GALNT17: variants seen among roughly 807,000 people sequenced by gnomAD.
The protein encoded by GALNT17 is polypeptide N-acetylgalactosaminyltransferase 17.
GALNT17 carries 29 observed loss-of-function variants against 63.7 expected under a neutral mutation model. The observed-to-expected ratio is 0.46, with a 90% CI of 0.34 to 0.62. The LOEUF is 0.62. GALNT17 is among the 20% of genes least tolerant of loss of function. GALNT17 has a pLI of 0.01. For synonymous variants in GALNT17, 305 were observed against 318.3 expected, an observed-to-expected ratio of 0.96 and a Z score of 0.45; for missense variants, 603 against 799.6, an observed-to-expected ratio of 0.75 and a Z score of 2.97.
rs567790932 is a variant in GALNT17, at chr7:71,196,714, A to G, written c.238+63674A>G. 1.7e-3 allele frequency among the ~76,000 whole-genome samples: 259 copies of G among 151,906 alleles called. 3 individuals are homozygous for G. Among genetic ancestry groups the G allele is most frequent in the African/African-American group, 5.9e-3 (243 of 41,436 alleles). On this transcript the variant is annotated intron_variant, in intron 1 of 10. Coordinates refer to ENST00000333538, the MANE Select transcript of GALNT17 (RefSeq NM_022479.3). ...AGTGCAGTGGCGTGATCTTGGTTCA[A>G]GTGATCTTGGTTCACTGCAACCTCT...
chr7:71,401,755 C>G (rs545006579), intron 3 of GALNT17, among the ~76,000 whole-genome samples: 1 of 152,276 alleles, frequency 6.6e-6, no homozygotes, highest in African/African-American at 2.4e-5. Flanking sequence ...GTCCCAGCAC[C>G]CCCAGATGGG....
intron 6 of GALNT17, among the ~76,000 whole-genome samples, chr7:71,578,212 G>C (rs923691635): frequency 6.6e-6 from 1 of 151,584 alleles, no homozygotes. Context: ...AATTTTTTGC[G>C]TTTAATAGAG....
At chr7:71,197,124 A>G (rs1382762396) in intron 1 of GALNT17, among the ~76,000 whole-genome samples, 2 of 151,090 alleles carry the variant, frequency 1.3e-5, no homozygotes, top group African/African-American at 2.4e-5. Flanking sequence ...CAAATAATCC[A>G]GTCATACTCT....
chr7:71,609,561 A>G (rs916719253), intron 6 of GALNT17, among the ~76,000 whole-genome samples: 4 of 152,178 alleles, frequency 2.6e-5, no homozygotes, highest in South Asian at 4.2e-4. Flanking sequence ...TTATGGGTAC[A>G]TAGTAGGTGT....
At chr7:71,706,012 T>C (rs549018941) in intron 9 of GALNT17, among the ~76,000 whole-genome samples, 3 of 152,152 alleles carry the variant, frequency 2.0e-5, no homozygotes, top group Non-Finnish European at 4.4e-5. Context: ...GGACATTTGG[T>C]TGACAGCAGA....
intron 5 of GALNT17, among the ~76,000 whole-genome samples, chr7:71,454,956 C>T (rs1331700438): frequency 2.0e-5 from 3 of 151,934 alleles, no homozygotes; most frequent in African/African-American, 4.8e-5. Context: ...GGCTTGAGCT[C>T]GGGAGTTTGA....
chr7:71,582,367 G>T (rs1282638200), intron 6 of GALNT17, among the ~76,000 whole-genome samples: 1 of 150,306 alleles, frequency 6.7e-6, no homozygotes, highest in Non-Finnish European at 1.5e-5. Context: ...GAGATCAGGA[G>T]ATGGAGATCA....
At chr7:71,583,914 G>C (rs1789676403) in intron 6 of GALNT17, among the ~76,000 whole-genome samples, 1 of 151,864 alleles carries the variant, frequency 6.6e-6, no homozygotes, top group African/African-American at 2.4e-5. Flanking sequence ...CACGAGGTCA[G>C]GAGATGGAGA....
chr7:71,261,686 G>A (rs968557887), intron 1 of GALNT17, among the ~76,000 whole-genome samples: 1 of 152,214 alleles, frequency 6.6e-6, no homozygotes, highest in Admixed American at 6.5e-5. Flanking sequence ...GCTTGCCCTG[G>A]TGCCCTTGGC....
chr7:71,137,292 A>G (rs1787803586), intron 1 of GALNT17, among the ~76,000 whole-genome samples: 1 of 151,734 alleles, frequency 6.6e-6, no homozygotes, highest in Non-Finnish European at 1.5e-5. Flanking sequence ...GGCGTCCGCC[A>G]CCACGCCCGG....
intron 9 of GALNT17, among the ~76,000 whole-genome samples, chr7:71,682,802 A>G (rs558863164): frequency 6.6e-6 from 1 of 152,166 alleles, no homozygotes; most frequent in East Asian, 1.9e-4. Context: ...TCCTGATCTC[A>G]GGCAATTTTC....
At chr7:71,595,839 G>A (rs184892702) in intron 6 of GALNT17, among the ~76,000 whole-genome samples, 4 of 152,230 alleles carry the variant, frequency 2.6e-5, no homozygotes, top group Admixed American at 1.3e-4. Context: ...AACATGACAC[G>A]CAGGAAGATT....
intron 5 of GALNT17, among the ~76,000 whole-genome samples, chr7:71,509,637 G>C (rs1788322156): frequency 6.6e-6 from 1 of 152,206 alleles, no homozygotes; most frequent in Non-Finnish European, 1.5e-5. Context: ...ACTAGAGCCT[G>C]TATCTTTTTT....
intron 6 of GALNT17, among the ~76,000 whole-genome samples, chr7:71,601,788 G>GA (rs983982416): frequency 2.6e-5 from 4 of 151,850 alleles, no homozygotes; most frequent in Non-Finnish European, 4.4e-5. Context: ...CTGTCTTTGG[G>GA]AAAAAAATAA....
chr7:71,299,019 G>A (rs542777442), intron 1 of GALNT17, among the ~76,000 whole-genome samples: 10 of 152,122 alleles, frequency 6.6e-5, no homozygotes, highest in South Asian at 2.1e-4. Context: ...ACTGACTATC[G>A]GAGTTCCAAA....
intron 5 of GALNT17, among the ~76,000 whole-genome samples, chr7:71,421,582 C>T (rs11981510): frequency 0.045 from 6,899 of 152,040 alleles, 565 homozygotes; most frequent in African/African-American, 0.16. Flanking sequence ...GCTCTTGCCC[C>T]GGGTCCCACC....
intron 1 of GALNT17, among the ~76,000 whole-genome samples, chr7:71,205,152 C>CTTT (rs759200277): frequency 7.8e-5 from 9 of 115,030 alleles, no homozygotes; most frequent in Admixed American, 1.8e-4. Flanking sequence ...TTACTTTTTA[C>CTTT]TTTTTTTTTT....
At chr7:71,579,110 C>T (rs529454298) in intron 6 of GALNT17, among the ~76,000 whole-genome samples, 1 of 152,296 alleles carries the variant, frequency 6.6e-6, no homozygotes, top group African/African-American at 2.4e-5. Flanking sequence ...AAGGTTGGAT[C>T]CAAGGCCTGG....
At chr7:71,379,208 A>T (rs1792799304) in intron 2 of GALNT17, among the ~76,000 whole-genome samples, 1 of 152,166 alleles carries the variant, frequency 6.6e-6, no homozygotes, top group Non-Finnish European at 1.5e-5. Context: ...TGTTGGGCAG[A>T]TAGAACAGTT....
Sources: gnomAD v4.1 joint callset for allele counts (sites outside exome capture counted in the v4.1 genomes callset) on GRCh38, gnomAD v4.1.1 for gene constraint, MANE v1.5 for transcripts, NCBI Gene and HGNC (gene_info 2026-07-23, HGNC 2026-07-21) for gene names.